The following MMGT1 variants were observed in gnomAD, a reference collection of about 807,000 sequenced individuals.
The protein encoded by MMGT1 is membrane magnesium transporter 1.
MMGT1 carries 2 observed loss-of-function variants against 11.7 expected under a neutral mutation model. The ratio of observed to expected loss-of-function variants is 0.17; its 90% CI spans 0.07 to 0.54. MMGT1 has a LOEUF of 0.54. Among genes scored for constraint, MMGT1 ranks in the 20% least tolerant of loss-of-function variants. MMGT1 has a pLI of 0.94. For missense variants in MMGT1, 74 were observed against 109.0 expected (o/e 0.68, Z 1.43); for synonymous variants, 49 against 44.4 (o/e 1.10, Z -0.41).
intron 2 of MMGT1, 31 bp downstream of exon 2, chrX:135,971,027 A>G: frequency 2.9e-6 from 3 of 1,034,785 alleles, no homozygotes; most frequent in Non-Finnish European, 4.0e-6. Flanking sequence ...TTTTAAACAT[A>G]CATGTAACGG....
chrX:135,973,521 T>C, intron 1 of MMGT1, 76 bp downstream of exon 1: 1 of 840,324 alleles, frequency 1.2e-6, no homozygotes, highest in Non-Finnish European at 1.7e-6. Context: ...CTCGGTCCGA[T>C]GGTCCCTTAG....
chrX:135,970,704 T>C (rs1343134651), intron 2 of MMGT1, among the ~76,000 whole-genome samples: 4 of 111,924 alleles, frequency 3.6e-5, no homozygotes, highest in African/African-American at 1.3e-4. Context: ...GGTCAGGAGA[T>C]CGAGACCATC....
chrX:135,968,397 C>T (rs1556612209), intron 2 of MMGT1, among the ~76,000 whole-genome samples: 1 of 110,734 alleles, frequency 9.0e-6, no homozygotes, highest in Admixed American at 9.7e-5. Context: ...ATATATGAAT[C>T]TCTAAAACAT....
In MMGT1 at chrX:135,963,904, G is replaced by A. The variant is rs917574790; in HGVS notation, c.*1120C>T. The A allele has an allele frequency of 1.8e-5, 2 of 112,495 alleles. No homozygotes were observed. The highest frequency in any genetic ancestry group is 6.5e-5 in the African/African-American group (2 of 30,904). 9.3% of individuals were successfully genotyped at this position (112,495 alleles called of 1,213,427 possible). A position where few individuals can be genotyped will look rare whatever the true frequency, so the allele number is the denominator to read the frequency against. ...AAAGAGCTAGCCAATTTCCTTAAAA[G>A]TAAAATTACTGTTTCTAAAAATATC... On this transcript the variant is annotated 3_prime_UTR_variant, in exon 4 of 4. Transcript: ENST00000305963.
intron 3 of MMGT1, 101 bp downstream of exon 3, chrX:135,967,289 A>G: frequency 1.8e-6 from 1 of 558,063 alleles, no homozygotes; most frequent in Non-Finnish European, 3.0e-6. Flanking sequence ...AAATGCAGAA[A>G]CAAAACCAAC....
Position 135,973,756 on chromosome X carries a change from G to A in MMGT1, c.-81C>T, listed in dbSNP as rs781800354. 6 of 1,163,784 alleles carry A rather than the reference G, an allele frequency of 5.2e-6. No individual in the cohort carries two copies. In the African/African-American group the frequency reaches 7.2e-5, roughly 14 times the overall value. ...TTCTTCCACCGGCGGGTGTCCGCGC[G>A]CCGCAGAAAGATGACGTCACTGAAG... On this transcript the variant is annotated 5_prime_UTR_variant, in exon 1 of 4. Coordinates refer to ENST00000305963, the MANE Select transcript of MMGT1 (RefSeq NM_173470.3).
At chrX:135,967,649 AATACAATCT>A (rs1239507893) in intron 2 of MMGT1, among the ~76,000 whole-genome samples, 156 bp from the exon 3 acceptor site, 4 of 111,988 alleles carry the variant, frequency 3.6e-5, no homozygotes, top group Non-Finnish European at 7.5e-5. Context: ...ATTCAGACAC[AATACAATCT>A]ATAAATTCTG....
At chrX:135,969,299 C>T (rs1357429620) in intron 2 of MMGT1, among the ~76,000 whole-genome samples, 1 of 111,195 alleles carries the variant, frequency 9.0e-6, no homozygotes, top group Non-Finnish European at 1.9e-5. Context: ...ATATACGATA[C>T]CAATTTACAT....
At chrX:135,965,867 T>C in intron 3 of MMGT1, among the ~76,000 whole-genome samples, 1 of 112,520 alleles carries the variant, frequency 8.9e-6, no homozygotes, top group Non-Finnish European at 1.9e-5. Flanking sequence ...TATTCTCATT[T>C]GGCCCTCATT....
In MMGT1 at chrX:135,973,795, G is replaced by C; in HGVS notation, c.-120C>G. The stretch of plus-strand genomic sequence containing the variant: ...ACGTCACTGAAGTCCTGAGCGCAAA[G>C]TGTCTCAGTGGTGGAAAAGCCAGAG... On this transcript the variant is annotated 5_prime_UTR_variant, in exon 1 of 4. Coordinates refer to ENST00000305963, the MANE Select transcript of MMGT1 (RefSeq NM_173470.3). The C allele has an allele frequency of 8.6e-7, 1 of 1,165,072 alleles. No individual in the cohort carries two copies. Among genetic ancestry groups the C allele is most frequent in the South Asian group, 1.9e-5 (1 of 52,451 alleles).
At chrX:135,970,685 G>A (rs184973528) in intron 2 of MMGT1, among the ~76,000 whole-genome samples, 2 of 112,239 alleles carry the variant, frequency 1.8e-5, no homozygotes, top group East Asian at 2.8e-4. Flanking sequence ...CAAGGCAGGC[G>A]GATCATGAGG....
Position 135,963,088 on chromosome X carries a change from CAG to C in MMGT1, c.*1934_*1935del, listed in dbSNP as rs2089164547. The C allele has an allele frequency of 9.1e-6, 1 of 110,385 alleles. No homozygotes were observed. The highest frequency in any genetic ancestry group is 3.9e-4 in the South Asian group (1 of 2,567). 9.1% of individuals were successfully genotyped at this position (110,385 alleles called of 1,213,427 possible). ...GAAATGACCAGAATAAGCAAATCTA[CAG>C]AGAGAGAAATAGATTAGTGGTTGCC... On this transcript the variant is annotated 3_prime_UTR_variant, in exon 4 of 4. Transcript: ENST00000305963.
chrX:135,973,140 C>A (rs2089229782), intron 1 of MMGT1, among the ~76,000 whole-genome samples: 2 of 111,894 alleles, frequency 1.8e-5, no homozygotes, highest in Admixed American at 1.9e-4. Context: ...GACTCCCAGT[C>A]CAGTGCTCTT....
Position 135,971,093 on chromosome X carries a change from A to G in MMGT1, c.97T>C (p.Leu33=), listed in dbSNP as rs782415551. ...AGTGATTCATCTTCTTTTTCTGTTAATCGCATATAAGAACGATCTATAAAC... is the reference window on the plus strand; with the variant it reads ...AGTGATTCATCTTCTTTTTCTGTTAGTCGCATATAAGAACGATCTATAAAC... ...SAAQHRSYMR[L]TEKEDESLPI... is the part of the protein sequence containing the mutation. The change falls in exon 2 of 4, where the codon TTA becomes CTA. Residue 33 remains leucine, a synonymous_variant. Transcript: ENST00000305963. 1 of 1,181,262 alleles carries G rather than the reference A, an allele frequency of 8.5e-7. No homozygotes were observed. Among genetic ancestry groups the G allele is most frequent in the Non-Finnish European group, 1.2e-6 (1 of 868,761 alleles).
At position 135,962,656 on chromosome X, in the gene MMGT1, T is replaced by C. The variant is rs189228463; in HGVS notation, c.*2368A>G. ...TGGGGAGCTCACCTGGCCTGAGGTA[T>C]ACAAGCTGCTAGCAAAGATAGACAC... On this transcript the variant is annotated 3_prime_UTR_variant, in exon 4 of 4. Coordinates refer to ENST00000305963, the MANE Select transcript of MMGT1 (RefSeq NM_173470.3). 3 of 112,048 alleles carry C rather than the reference T, an allele frequency of 2.7e-5. No individual in the cohort carries two copies. In the East Asian group the frequency reaches 8.4e-4, roughly 31 times the overall value. The allele number at this position is 112,048 out of a possible 1,213,427, so 9.2% of individuals were successfully genotyped here.
In MMGT1 at chrX:135,973,676, G is replaced by A. The variant is rs782665574; in HGVS notation, c.-1C>T. The A allele has an allele frequency of 1.5e-5, 17 of 1,167,380 alleles. No homozygotes were observed. The South Asian group carries it at 3.0e-4, about 21-fold the overall frequency. On this transcript the variant is annotated 5_prime_UTR_variant, in exon 1 of 4. Transcript: ENST00000305963. ...GCCCCTTCCACAGCGACGGCGCCAT[G>A]ATGCCGAAGGAGCAGCAGCCCAGCA... is the stretch of plus-strand genomic sequence containing the variant.
At chrX:135,973,057 G>A (rs1384661674) in intron 1 of MMGT1, among the ~76,000 whole-genome samples, 1 of 112,266 alleles carries the variant, frequency 8.9e-6, no homozygotes, top group Non-Finnish European at 1.9e-5. Context: ...TCATAACGCA[G>A]TGTAGCACAA....
chrX:135,965,680 A>G (rs2148117568), intron 3 of MMGT1, among the ~76,000 whole-genome samples: 1 of 111,808 alleles, frequency 8.9e-6, no homozygotes, highest in African/African-American at 3.2e-5. Flanking sequence ...CTGAGATTAC[A>G]GGTATGAGCC....
intron 1 of MMGT1, among the ~76,000 whole-genome samples, chrX:135,972,838 A>G: frequency 8.9e-6 from 1 of 111,823 alleles, no homozygotes; most frequent in South Asian, 3.7e-4. Context: ...AGCAGCAAGG[A>G]TCTAGGATAC....
Sources: allele counts gnomAD v4.1 joint callset (sites outside exome capture counted in the v4.1 genomes callset), GRCh38; gene constraint gnomAD v4.1.1; transcripts MANE v1.5; gene names NCBI Gene and HGNC (gene_info 2026-07-23, HGNC 2026-07-21).